GOLPH3: variants seen among roughly 807,000 people sequenced by gnomAD.
GOLPH3 encodes the protein golgi phosphoprotein 3.
Under a neutral mutation model 28.5 loss-of-function variants are expected in GOLPH3, and 14 were observed. The ratio of observed to expected loss-of-function variants is 0.49; its 90% CI spans 0.32 to 0.77. GOLPH3 has a LOEUF of 0.77. GOLPH3 is among the 30% of genes least tolerant of loss of function. The pLI, the probability that GOLPH3 is intolerant of heterozygous loss-of-function variation, is 0.03. For synonymous variants in GOLPH3, 158 were observed against 159.2 expected (o/e 0.99, Z 0.06); for missense variants, 350 against 393.7 (o/e 0.89, Z 0.94).
chr5:32,162,512 T>A (rs1411575408), intron 1 of GOLPH3, among the ~76,000 whole-genome samples: 1 of 151,700 alleles, frequency 6.6e-6, no homozygotes, highest in African/African-American at 2.4e-5. Flanking sequence ...AAAATTAAAA[T>A]TTTTAAAAAA....
rs553696276 is a variant in GOLPH3, at chr5:32,145,745, A to T, written c.226-1865T>A. Reference sequence around the variant, plus strand: ...ATATTAGCAAAATGGGGTCTTTAGTAACAGACTTCAGAGATCTAAATTTAG... The same window carrying T: ...ATATTAGCAAAATGGGGTCTTTAGTTACAGACTTCAGAGATCTAAATTTAG... On this transcript the variant is annotated intron_variant, in intron 1 of 3. Transcript: ENST00000265070. Among the ~76,000 whole-genome samples, 5 of 152,346 alleles carry T rather than the reference A, an allele frequency of 3.3e-5. No homozygotes were observed. In the South Asian group the frequency reaches 1.0e-3, roughly 32 times the overall value.
At chr5:32,159,845 A>G (rs1746536384) in intron 1 of GOLPH3, among the ~76,000 whole-genome samples, 1 of 152,246 alleles carries the variant, frequency 6.6e-6, no homozygotes, top group African/African-American at 2.4e-5. Flanking sequence ...ACTCTAGAGC[A>G]GTGATACCTC....
Position 32,141,364 on chromosome 5 carries a change from T to G in GOLPH3, c.357+2385A>C, listed in dbSNP as rs6867039. Among the ~76,000 whole-genome samples the G allele has an allele frequency of 9.9e-3, 1,506 of 152,226 alleles. 27 individuals carry two copies. The highest frequency in any genetic ancestry group is 0.035 in the African/African-American group (1,464 of 41,540). On this transcript the variant is annotated intron_variant, in intron 2 of 3. Coordinates refer to ENST00000265070, the MANE Select transcript of GOLPH3 (RefSeq NM_022130.4). ...ACTGGAAGAAAAACAGTATTAAATA[T>G]TTGAGATTGAGGTTGAAGTTAAATT...
At chr5:32,160,847 C>CA (rs1215405183) in intron 1 of GOLPH3, among the ~76,000 whole-genome samples, 4 of 152,094 alleles carry the variant, frequency 2.6e-5, no homozygotes, top group Admixed American at 6.6e-5. Flanking sequence ...GCGGGCGGAC[C>CA]ACGAGGTCAG....
intron 3 of GOLPH3, among the ~76,000 whole-genome samples, chr5:32,131,933 A>G (rs1745832457): frequency 6.6e-6 from 1 of 152,222 alleles, no homozygotes; most frequent in Non-Finnish European, 1.5e-5. Flanking sequence ...TTCAGAAGCT[A>G]AAAACTATTC....
chr5:32,146,388 T>C (rs1298715686), intron 1 of GOLPH3, among the ~76,000 whole-genome samples: 1 of 151,908 alleles, frequency 6.6e-6, no homozygotes, highest in Admixed American at 6.6e-5. Flanking sequence ...TGTTCTAAAA[T>C]ATAAGGATGG....
At chr5:32,142,098 C>G (rs1478569955) in intron 2 of GOLPH3, among the ~76,000 whole-genome samples, 4 of 151,178 alleles carry the variant, frequency 2.6e-5, no homozygotes, top group Non-Finnish European at 5.9e-5. Context: ...CTCTGCCTGG[C>G]TGCCCAGTCT....
rs183153451 is a variant in GOLPH3 at position 32,174,075 on chromosome 5, G to A, written c.-41C>T. ...GCCGAGCCGGGCCGAGAGGGTCGCAGGACCGACCGGGTCGCCCTCCTCCTC... is the reference window on the plus strand; with the variant it reads ...GCCGAGCCGGGCCGAGAGGGTCGCAAGACCGACCGGGTCGCCCTCCTCCTC... On this transcript the variant is annotated 5_prime_UTR_variant, in exon 1 of 4. Coordinates refer to ENST00000265070, the MANE Select transcript of GOLPH3 (RefSeq NM_022130.4). The A allele has an allele frequency of 3.5e-4, 423 of 1,224,754 alleles. 3 individuals are homozygous for A. In the African/African-American group the frequency reaches 6.0e-3, roughly 17 times the overall value. The allele number at this position is 1,224,754 out of a possible 1,614,324, so 75.9% of individuals were successfully genotyped here.
chr5:32,172,142 T>C (rs892825035), intron 1 of GOLPH3, among the ~76,000 whole-genome samples: 1 of 152,180 alleles, frequency 6.6e-6, no homozygotes, highest in Non-Finnish European at 1.5e-5. Flanking sequence ...ACAGCAGCCC[T>C]TTCACAGCCA....
chr5:32,170,495 T>G (rs1448115164), intron 1 of GOLPH3, among the ~76,000 whole-genome samples: 2 of 152,204 alleles, frequency 1.3e-5, no homozygotes, highest in African/African-American at 4.8e-5. Context: ...GAAGTAAAAA[T>G]CAGTTAAAGC....
intron 1 of GOLPH3, among the ~76,000 whole-genome samples, chr5:32,170,011 T>A (rs912821204): frequency 6.6e-6 from 1 of 151,062 alleles, no homozygotes; most frequent in African/African-American, 2.4e-5. Flanking sequence ...TAACAGGTAA[T>A]CTGAAGCCAG....
chr5:32,172,932 A>G (rs950957782), intron 1 of GOLPH3, among the ~76,000 whole-genome samples: 1 of 152,250 alleles, frequency 6.6e-6, no homozygotes, highest in African/African-American at 2.4e-5. Context: ...ATCTAGAAAG[A>G]GTATATATGC....
chr5:32,172,360 C>CT (rs767230819), intron 1 of GOLPH3, among the ~76,000 whole-genome samples: 2,142 of 137,678 alleles, frequency 0.016, 32 homozygotes, highest in African/African-American at 0.037. Context: ...TTTTGTAAGA[C>CT]TTTTTTTTTT....
At chr5:32,142,606 G>T (rs1387183083) in intron 2 of GOLPH3, among the ~76,000 whole-genome samples, 2 of 138,132 alleles carry the variant, frequency 1.4e-5, no homozygotes, top group Admixed American at 1.5e-4. Context: ...AGGTGGGGGG[G>T]TCAGCCCCCT....
At chr5:32,157,978 AAAATAAATAAAT>A (rs199592768) in intron 1 of GOLPH3, among the ~76,000 whole-genome samples, 957 of 38,688 alleles carry the variant, frequency 0.025, 91 homozygotes, top group African/African-American at 0.099. Flanking sequence ...ACTCTGTCTC[AAAATAAATAAAT>A]AAATAAATAA....
At chr5:32,170,399 T>C (rs532438707) in intron 1 of GOLPH3, among the ~76,000 whole-genome samples, 19 of 152,198 alleles carry the variant, frequency 1.2e-4, no homozygotes, top group Non-Finnish European at 2.4e-4. Context: ...ATATATAAAA[T>C]ATTTCCAACA....
chr5:32,135,844 T>C (rs1171915700), intron 2 of GOLPH3, among the ~76,000 whole-genome samples, 158 bp from the exon 3 acceptor site: 2 of 152,190 alleles, frequency 1.3e-5, no homozygotes, highest in Non-Finnish European at 2.9e-5. Context: ...ACTTTTATGT[T>C]AAGGAAATCC....
chr5:32,154,443 T>C lies in GOLPH3; in HGVS notation c.226-10563A>G, dbSNP rs545782815. ...TGAGCAAAGACAGTATTCTGAGATA[T>C]CTGCAATAACTGTGATGTGATATGA... On this transcript the variant is annotated intron_variant, in intron 1 of 3. Transcript: ENST00000265070. Among the ~76,000 whole-genome samples, 3 of 152,358 alleles carry C rather than the reference T, an allele frequency of 2.0e-5. 1 individual carries two copies. Among genetic ancestry groups the C allele is most frequent in the South Asian group, 4.1e-4 (2 of 4,832 alleles).
Position 32,126,520 on chromosome 5 carries a change from A to G in GOLPH3, c.589T>C (p.Phe197Leu). 6.2e-7 allele frequency: 1 copy of G among 1,614,152 alleles called. No individual in the cohort carries two copies. Among genetic ancestry groups the G allele is most frequent in the Non-Finnish European group, 8.5e-7 (1 of 1,180,032 alleles). The stretch of plus-strand genomic sequence containing the variant: ...GTGAGGGGATGTGTTGTCATGTCAA[A>G]AAGTAGGAAGTTCTGTTTCTCTGTT... Reference protein sequence around the residue: ...LTTEKQNFLLFDMTTHPLTNN... With the variant: ...LTTEKQNFLLLDMTTHPLTNN... The change falls in exon 4 of 4, where the codon TTT (phenylalanine) becomes CTT (leucine). Residue 197 changes from phenylalanine (F) to leucine (L), a missense_variant. Coordinates refer to ENST00000265070, the MANE Select transcript of GOLPH3 (RefSeq NM_022130.4).
Sources: allele counts gnomAD v4.1 joint callset (sites outside exome capture counted in the v4.1 genomes callset), GRCh38; gene constraint gnomAD v4.1.1; transcripts MANE v1.5; gene names NCBI Gene and HGNC (gene_info 2026-07-23, HGNC 2026-07-21).